Variants in CYP2A6 observed in about 807,000 individuals in gnomAD.
CYP2A6 encodes cytochrome P450 2A6.
In CYP2A6, 27 loss-of-function variants were observed where a neutral mutation model predicts 42.3. The observed-to-expected ratio is 0.64, with a 90% CI of 0.47 to 0.88. The LOEUF (loss-of-function observed/expected upper bound fraction) is 0.88, where lower values mean the gene tolerates loss of function less well. CYP2A6 is among the 40% of genes least tolerant of loss of function. The probability of loss-of-function intolerance (pLI) is 0.00; values close to 1 mark genes in which losing one functional copy is unlikely to be tolerated. For synonymous variants in CYP2A6, 238 were observed against 246.3 expected (o/e 0.97, Z 0.31); for missense variants, 628 against 646.0 (o/e 0.97, Z 0.30).
intron 7 of CYP2A6, 116 bp downstream of exon 7, chr19:40,845,178 T>C (rs1235280500): frequency 1.5e-6 from 2 of 1,364,682 alleles, no homozygotes; most frequent in Non-Finnish European, 1.0e-6. Context: ...GAAGTCTTTT[T>C]TGACTGATTG....
In CYP2A6 at chr19:40,844,905, A is replaced by G. The variant is rs2083448021; in HGVS notation, c.1162-133T>C. 2.2e-5 allele frequency: 26 copies of G among 1,174,872 alleles called. No homozygotes were observed. The South Asian group carries it at 3.4e-4, about 15-fold the overall frequency. The allele number at this position is 1,174,872 out of a possible 1,614,324, so 72.8% of individuals were successfully genotyped here. Reference sequence around the variant, plus strand: ...GGCATGGAGGAGTTGGGGTCCTCTGATGGAGGAGCTTTGGGGGATAGAAGG... The same window carrying G: ...GGCATGGAGGAGTTGGGGTCCTCTGGTGGAGGAGCTTTGGGGGATAGAAGG... On this transcript the variant is annotated intron_variant, in intron 7 of 8. Coordinates refer to ENST00000301141, the MANE Select transcript of CYP2A6 (RefSeq NM_000762.6).
intron 8 of CYP2A6, 134 bp from the exon 9 acceptor site, chr19:40,844,111 G>T: frequency 7.0e-7 from 1 of 1,423,162 alleles, no homozygotes; most frequent in Non-Finnish European, 9.3e-7. Flanking sequence ...TTCAGAGGAG[G>T]CTCTGATCCT....
rs1319250720 is a variant in CYP2A6, at chr19:40,843,695, A to G, written c.*101T>C. On this transcript the variant is annotated 3_prime_UTR_variant, in exon 9 of 9. Transcript: ENST00000301141. ...GCCACCACGCCCCTTCCTTTCCGCC[A>G]TCCTGCCCCCAGTCTTAGCTGCGCC... is the stretch of plus-strand genomic sequence containing the variant. The G allele has an allele frequency of 5.4e-6, 7 of 1,285,604 alleles. 1 individual carries two copies. The highest frequency in any genetic ancestry group is 7.3e-6 in the Non-Finnish European group (7 of 965,308). The allele number at this position is 1,285,604 out of a possible 1,614,324, so 79.6% of individuals were successfully genotyped here. A position where few individuals can be genotyped will look rare whatever the true frequency, so the allele number is the denominator to read the frequency against.
rs1346726871 is a variant in CYP2A6, at chr19:40,849,052, GA to G, written c.344-290del. On this transcript the variant is annotated intron_variant, in intron 2 of 8. Coordinates refer to ENST00000301141, the MANE Select transcript of CYP2A6 (RefSeq NM_000762.6). ...AGAGAGAGAAGAGAGAGAGGAGAGA[GA>G]GAGAGAGAGAGAGAGAGAGAGAGAG... Among the ~76,000 whole-genome samples the G allele has an allele frequency of 1.3e-3, 153 of 121,500 alleles. 5 individuals carry two copies. Among genetic ancestry groups the G allele is most frequent in the African/African-American group, 3.2e-3 (100 of 31,652 alleles). 79.7% of individuals were successfully genotyped at this position (121,500 alleles called of 152,430 possible).
intron 4 of CYP2A6, among the ~76,000 whole-genome samples, chr19:40,847,327 T>C (rs751520950): frequency 6.6e-5 from 10 of 151,356 alleles, no homozygotes; most frequent in Non-Finnish European, 1.3e-4. Context: ...CACATCTAGG[T>C]GTTCAGATAT....
At position 40,849,705 on chromosome 19, in the gene CYP2A6, G is replaced by C. The variant is rs1286665318; in HGVS notation, c.343+113C>G. ...GAAGGGAGATGGGGAGGGAAGACCA[G>C]ACTGGGGACTCTGCCTTAGCCTCCA... On this transcript the variant is annotated intron_variant, in intron 2 of 8. Coordinates refer to ENST00000301141, the MANE Select transcript of CYP2A6 (RefSeq NM_000762.6). 10 of 1,549,806 alleles carry C rather than the reference G, an allele frequency of 6.5e-6. 1 individual carries two copies. In the South Asian group the frequency reaches 1.2e-4, roughly 19 times the overall value.
chr19:40,843,600 C>T lies in CYP2A6; in HGVS notation c.*196G>A, dbSNP rs1040529184. On this transcript the variant is annotated 3_prime_UTR_variant, in exon 9 of 9. Coordinates refer to ENST00000301141, the MANE Select transcript of CYP2A6 (RefSeq NM_000762.6). ...CATAGCATAATGTAAGGGTTTCCTTCCTCTCATCCCAGCTCGGAAGCACCT... is the reference window on the plus strand; with the variant it reads ...CATAGCATAATGTAAGGGTTTCCTTTCTCTCATCCCAGCTCGGAAGCACCT... The T allele has an allele frequency of 2.0e-6, 2 of 975,776 alleles. No homozygotes were observed. The highest frequency in any genetic ancestry group is 2.9e-6 in the Non-Finnish European group (2 of 681,950). The allele number at this position is 975,776 out of a possible 1,614,324, so 60.4% of individuals were successfully genotyped here.
chr19:40,845,472 T>A lies in CYP2A6; in HGVS notation c.983A>T (p.His328Leu). 6.2e-7 allele frequency: 1 copy of A among 1,611,506 alleles called. No homozygotes were observed. The highest frequency in any genetic ancestry group is 8.5e-7 in the Non-Finnish European group (1 of 1,179,684). Residue 328 changes from histidine to leucine, a missense_variant, in exon 7 of 9, where the codon CAT becomes CTT. Physicochemically the swap from His to Leu is moderately conservative, Grantham distance 99 (BLOSUM62 -3). Coordinates refer to ENST00000301141, the MANE Select transcript of CYP2A6 (RefSeq NM_000762.6). ...MKHPEVEAKV[H>L]EEIDRVIGKN... Reference sequence around the variant, plus strand: ...GCCGATCACTCTGTCAATCTCCTCATGGACCTTGGCTGGGGGAGGAGGGGG... The same window carrying A: ...GCCGATCACTCTGTCAATCTCCTCAAGGACCTTGGCTGGGGGAGGAGGGGG...
At chr19:40,845,579 C>T in intron 6 of CYP2A6, 98 bp from the exon 7 acceptor site, 1 of 1,542,910 alleles carries the variant, frequency 6.5e-7, no homozygotes. Context: ...ATGGCTCCGC[C>T]TATGAGACGG....
rs1213546036 is a variant in CYP2A6, at chr19:40,848,838, C to T, written c.344-75G>A. 8.1e-5 allele frequency: 124 copies of T among 1,524,586 alleles called. 1 individual carries two copies. Among genetic ancestry groups the T allele is most frequent in the Middle Eastern group, 2.2e-4 (1 of 4,494 alleles). The allele number at this position is 1,524,586 out of a possible 1,614,324, so 94.4% of individuals were successfully genotyped here. On this transcript the variant is annotated intron_variant, in intron 2 of 8. Transcript: ENST00000301141. Reference sequence around the variant, plus strand: ...AGGAGCGGAGCAGCTCCAAGGGGCTCCCCAAGGGTGGAGGAGAGAGGGAGT... The same window carrying T: ...AGGAGCGGAGCAGCTCCAAGGGGCTTCCCAAGGGTGGAGGAGAGAGGGAGT...
chr19:40,848,825 G>C (rs1289166094), intron 2 of CYP2A6, 62 bp from the exon 3 acceptor site: 2 of 1,541,380 alleles, frequency 1.3e-6, no homozygotes, highest in Non-Finnish European at 1.8e-6. Flanking sequence ...GAGCGGAGCA[G>C]CTCCAAGGGG....
chr19:40,849,133 C>CAT, intron 2 of CYP2A6, among the ~76,000 whole-genome samples: 2 of 134,862 alleles, frequency 1.5e-5, no homozygotes, highest in South Asian at 4.8e-4. Context: ...ACAGAAAGGC[C>CAT]AGACAGAGAG....
chr19:40,844,877 G>T lies in CYP2A6; in HGVS notation c.1162-105C>A, dbSNP rs527756545. 4.1e-6 allele frequency: 6 copies of T among 1,446,802 alleles called. No individual in the cohort carries two copies. In the African/African-American group the frequency reaches 5.7e-5, roughly 14 times the overall value. 89.6% of individuals were successfully genotyped at this position (1,446,802 alleles called of 1,614,324 possible). On this transcript the variant is annotated intron_variant, in intron 7 of 8. Coordinates refer to ENST00000301141, the MANE Select transcript of CYP2A6 (RefSeq NM_000762.6). ...AGTGTGCCCCAGGTAAGGGGAAGTG[G>T]CAGGCATGGAGGAGTTGGGGTCCTC...
Position 40,848,570 on chromosome 19 carries a change from G to T in CYP2A6, c.493+44C>A, listed in dbSNP as rs368934082. 86 of 1,603,944 alleles carry T rather than the reference G, an allele frequency of 5.4e-5. 1 individual carries two copies. In the Admixed American group the frequency reaches 1.4e-3, roughly 26 times the overall value. The stretch of plus-strand genomic sequence containing the variant: ...AACGCGCGCGGGTTCCTCGTCCTGG[G>T]TGTTTTCCTTCTCCTGCCCCCGCAC... On this transcript the variant is annotated intron_variant, in intron 3 of 8. Transcript: ENST00000301141.
intron 1 of CYP2A6, 111 bp downstream of exon 1, chr19:40,850,136 A>C (rs1967194071): frequency 6.5e-7 from 1 of 1,530,668 alleles, no homozygotes. Context: ...CTGAAACTCC[A>C]AAACTCCATT....
In CYP2A6 at chr19:40,845,969, G is replaced by A; in HGVS notation, c.960C>T (p.His320=). 1 of 1,611,056 alleles carries A rather than the reference G, an allele frequency of 6.2e-7. No homozygotes were observed. Among genetic ancestry groups the A allele is most frequent in the Non-Finnish European group, 8.5e-7 (1 of 1,179,714 alleles). The stretch of plus-strand genomic sequence containing the variant: ...CTCCAGCCTTACCCTCCACCTCTGG[G>A]TGCTTCATGAGCAGCAAGAAGCCAT... ...LRYGFLLLMK[H]PEVEAKVHEE... Residue 320 remains histidine, a synonymous_variant, in exon 6 of 9, where the codon CAC becomes CAT. Transcript: ENST00000301141.
In CYP2A6 at chr19:40,845,341, G is replaced by C; in HGVS notation, c.1114C>G (p.Arg372Gly). The change falls in exon 7 of 9, where the codon CGC becomes GGC. Residue 372 changes from arginine (R) to glycine (G), a missense_variant. Physicochemically the swap from Arg to Gly is moderately radical, Grantham distance 125 (BLOSUM62 -2). Around this residue, in one of 2 missense-constraint regions of CYP2A6, gnomAD observed 606 missense variants for 568.1 expected, o/e 1.07. Transcript: ENST00000301141. ...FGDVIPMSLA[R>G]RVKKDTKFRD... Reference sequence around the variant, plus strand: ...AACTTGGTGTCCTTTTTGACTCTGCGGGCCAAACTCATGGGGATCACGTCT... The same window carrying C: ...AACTTGGTGTCCTTTTTGACTCTGCCGGCCAAACTCATGGGGATCACGTCT... The C allele has an allele frequency of 1.2e-6, 2 of 1,611,532 alleles. No individual in the cohort carries two copies. The highest frequency in any genetic ancestry group is 1.7e-6 in the Non-Finnish European group (2 of 1,179,852).
rs1164040905 is a variant in CYP2A6, at chr19:40,844,738, A to C, written c.1196T>G (p.Leu399Arg). Residue 399 changes from leucine (L) to arginine (R), a missense_variant, in exon 8 of 9, where the codon CTG (leucine) becomes CGG (arginine). Transcript: ENST00000301141. ...GTTGGAGAAGAAACTGGGGTCTCTC[A>C]GCACAGAGCCCAGCATAGGGTACAC... ...TEVYPMLGSV[L>R]RDPSFFSNPQ... 2.5e-6 allele frequency: 4 copies of C among 1,611,670 alleles called. No individual in the cohort carries two copies. The African/African-American group carries it at 4.0e-5, about 16-fold the overall frequency.
chr19:40,849,380 A>T (rs1021746525), intron 2 of CYP2A6, among the ~76,000 whole-genome samples: 1 of 151,436 alleles, frequency 6.6e-6, no homozygotes, highest in Non-Finnish European at 1.5e-5. Context: ...CAGGAGATGG[A>T]GGCTGAAGAT....
Sources: allele counts gnomAD v4.1 joint callset (sites outside exome capture counted in the v4.1 genomes callset), GRCh38; gene constraint gnomAD v4.1.1; regional missense constraint gnomAD v4.1.1; transcripts MANE v1.5; gene names NCBI Gene and HGNC (gene_info 2026-07-23, HGNC 2026-07-21).